CCM2: variants seen among roughly 807,000 people sequenced by gnomAD.
The protein encoded by CCM2 is CCM2 scaffold protein, also known as cerebral cavernous malformations 2 protein.
Under a neutral mutation model 44.9 loss-of-function variants are expected in CCM2, and 25 were observed. That is an observed-to-expected ratio of 0.56 (90% CI 0.41 to 0.78). The LOEUF (loss-of-function observed/expected upper bound fraction) is 0.78, where lower values mean the gene tolerates loss of function less well. CCM2 is among the 30% of genes least tolerant of loss of function. The probability of loss-of-function intolerance (pLI) is 0.00; values close to 1 mark genes in which losing one functional copy is unlikely to be tolerated. For missense variants in CCM2, 481 were observed against 580.6 expected, an observed-to-expected ratio of 0.83 and a Z score of 1.76; for synonymous variants, 219 against 241.1, an observed-to-expected ratio of 0.91 and a Z score of 0.85.
chr7:45,038,479 G>T, intron 2 of CCM2, 53 bp downstream of exon 2: 1 of 1,580,250 alleles, frequency 6.3e-7, no homozygotes, highest in Non-Finnish European at 8.7e-7. Context: ...TGACGGTCAT[G>T]CTTGTATCCA....
chr7:45,000,462 G>GGC (rs1554353571), intron 1 of CCM2, 99 bp downstream of exon 1: 2 of 248,984 alleles, frequency 8.0e-6, no homozygotes, highest in Non-Finnish European at 1.4e-5. Flanking sequence ...CCCGGGGGGG[G>GGC]GGGCAGTGGG....
At chr7:45,027,297 G>A (rs1796731107) in intron 1 of CCM2, 5 of 337,260 alleles carry the variant, frequency 1.5e-5, no homozygotes, top group Middle Eastern at 1.0e-3. Context: ...CCAACAGCAC[G>A]GCCTGTTGTC....
Position 45,075,766 on chromosome 7 carries a change from T to G in CCM2, c.1055-11T>G, listed in dbSNP as rs370366469. ...ACTGGAGGTGCCATGCTGGGTGTTG[T>G]GTGTCTGCAGGTCTGAGGCCCTTCA... On this transcript the variant is annotated splice_polypyrimidine_tract_variant and intron_variant, in intron 9 of 9. Transcript: ENST00000258781. The G allele has an allele frequency of 6.2e-7, 1 of 1,613,466 alleles. No homozygotes were observed. The highest frequency in any genetic ancestry group is 1.3e-5 in the African/African-American group (1 of 74,908).
chr7:45,000,245 G>A lies in CCM2; in HGVS notation c.-89G>A, dbSNP rs1443667700. ...GGCGGGCGGCGCCGGGAGCGCGGGGGCGGCGGGCCCGGGTCGAGCATGTAG... is the reference window on the plus strand; with the variant it reads ...GGCGGGCGGCGCCGGGAGCGCGGGGACGGCGGGCCCGGGTCGAGCATGTAG... On this transcript the variant is annotated 5_prime_UTR_variant, in exon 1 of 10. Coordinates refer to ENST00000258781, the MANE Select transcript of CCM2 (RefSeq NM_031443.4). The A allele has an allele frequency of 6.0e-6, 5 of 838,950 alleles. No individual in the cohort carries two copies. The East Asian group carries it at 3.2e-4, about 53-fold the overall frequency. 52.0% of individuals were successfully genotyped at this position (838,950 alleles called of 1,614,324 possible).
In CCM2 at chr7:45,038,197, A is replaced by T; in HGVS notation, c.31-56A>T. ...CTACTTCTGTTTGTTAACCATAGGT[A>T]CAACACAAAGCATTTGTAAATAATG... On this transcript the variant is annotated intron_variant, in intron 1 of 9. Transcript: ENST00000258781. 6 of 1,601,384 alleles carry T rather than the reference A, an allele frequency of 3.7e-6. No individual in the cohort carries two copies. In the South Asian group the frequency reaches 6.6e-5, roughly 18 times the overall value.
intron 1 of CCM2, among the ~76,000 whole-genome samples, chr7:45,016,340 A>AT (rs1230857104): frequency 2.6e-5 from 4 of 151,812 alleles, no homozygotes; most frequent in Admixed American, 2.0e-4. Flanking sequence ...TATTTTATTT[A>AT]TTTTTTTTGA....
chr7:45,068,687 C>T, intron 5 of CCM2, 108 bp downstream of exon 5: 1 of 1,407,840 alleles, frequency 7.1e-7, no homozygotes, highest in Non-Finnish European at 9.9e-7. Flanking sequence ...TGCTGGGTGC[C>T]CCAGCTACTT....
chr7:45,002,502 CTT>C (rs779729430), intron 1 of CCM2, among the ~76,000 whole-genome samples: 4 of 141,492 alleles, frequency 2.8e-5, no homozygotes, highest in Non-Finnish European at 6.2e-5. Flanking sequence ...TCAGGTGGGC[CTT>C]TTTTTTTTTT....
chr7:45,032,282 A>G (rs1376873734), intron 1 of CCM2, among the ~76,000 whole-genome samples: 3 of 152,174 alleles, frequency 2.0e-5, no homozygotes, highest in African/African-American at 4.8e-5. Flanking sequence ...CAAGTAGTCC[A>G]CAGAATCTGC....
chr7:45,041,431 A>G (rs1797494921), intron 2 of CCM2, among the ~76,000 whole-genome samples: 1 of 152,210 alleles, frequency 6.6e-6, no homozygotes, highest in Non-Finnish European at 1.5e-5. Context: ...CAGACCACCC[A>G]GGACCCAGAA....
chr7:45,001,192 A>G (rs1795609082), intron 1 of CCM2, among the ~76,000 whole-genome samples: 1 of 152,160 alleles, frequency 6.6e-6, no homozygotes. Context: ...CCTTTAATTG[A>G]CAGCTACTCA....
chr7:45,025,059 T>G (rs1000717995), intron 1 of CCM2, among the ~76,000 whole-genome samples: 1 of 152,208 alleles, frequency 6.6e-6, no homozygotes, highest in Non-Finnish European at 1.5e-5. Flanking sequence ...CTTTTCACTT[T>G]ATGTTCTAAG....
At chr7:45,005,007 A>G (rs1795790381) in intron 1 of CCM2, among the ~76,000 whole-genome samples, 1 of 152,172 alleles carries the variant, frequency 6.6e-6, no homozygotes, top group South Asian at 2.1e-4. Flanking sequence ...AAAAAAAAAA[A>G]AAAGGCTCAT....
chr7:45,070,265 A>C (rs186020677), intron 6 of CCM2: 3 of 412,070 alleles, frequency 7.3e-6, no homozygotes, highest in Non-Finnish European at 1.4e-5. Context: ...CGGAACAAAG[A>C]GCTTGGAGAA....
At chr7:45,005,643 C>T (rs1188726618) in intron 1 of CCM2, among the ~76,000 whole-genome samples, 4 of 152,160 alleles carry the variant, frequency 2.6e-5, no homozygotes, top group African/African-American at 4.8e-5. Flanking sequence ...TACGTGGTGG[C>T]GATACAAGTT....
At chr7:45,063,881 C>T in intron 2 of CCM2, 37 bp from the exon 3 acceptor site, 1 of 1,418,700 alleles carries the variant, frequency 7.0e-7, no homozygotes, top group Non-Finnish European at 1.0e-6. Context: ...GCTCAGCTCC[C>T]ATTTCTCATG....
At position 45,023,791 on chromosome 7, in the gene CCM2, T is replaced by C. The variant is rs1796576345; in HGVS notation, c.31-14462T>C. 1.7e-5 allele frequency among the ~76,000 whole-genome samples: 2 copies of C among 114,658 alleles called. 1 individual carries two copies. Among genetic ancestry groups the C allele is most frequent in the South Asian group, 5.7e-4 (2 of 3,526 alleles). 75.2% of individuals were successfully genotyped at this position (114,658 alleles called of 152,430 possible). A position where few individuals can be genotyped will look rare whatever the true frequency, so the allele number is the denominator to read the frequency against. On this transcript the variant is annotated intron_variant, in intron 1 of 9. Coordinates refer to ENST00000258781, the MANE Select transcript of CCM2 (RefSeq NM_031443.4). ...TATTTTGATAGCTCTGTATCAGTTT[T>C]TTTTTTTTTTTTTTTTTTTTTTTTT...
chr7:45,010,150 A>G (rs1796010981), intron 1 of CCM2, among the ~76,000 whole-genome samples: 1 of 152,060 alleles, frequency 6.6e-6, no homozygotes, highest in African/African-American at 2.4e-5. Flanking sequence ...GGCTTAAGCA[A>G]TCCTTCTGTC....
At chr7:45,002,543 G>T (rs1342963388) in intron 1 of CCM2, among the ~76,000 whole-genome samples, 1 of 151,492 alleles carries the variant, frequency 6.6e-6, no homozygotes, top group Non-Finnish European at 1.5e-5. Flanking sequence ...ACTTGTCTTG[G>T]TGTCTGCCAA....
Sources: allele counts gnomAD v4.1 joint callset (sites outside exome capture counted in the v4.1 genomes callset), GRCh38; gene constraint gnomAD v4.1.1; transcripts MANE v1.5; gene names NCBI Gene and HGNC (gene_info 2026-07-23, HGNC 2026-07-21).